Variants in PDE7B observed in about 807,000 individuals in gnomAD.
PDE7B encodes phosphodiesterase 7B.
A neutral mutation model predicts 56.2 loss-of-function variants in PDE7B; 29 were observed. The observed-to-expected ratio is 0.52, with a 90% CI of 0.38 to 0.70. PDE7B has a LOEUF of 0.70. PDE7B is among the 30% of genes least tolerant of loss of function. The probability of loss-of-function intolerance (pLI) is 0.00; values close to 1 mark genes in which losing one functional copy is unlikely to be tolerated. For synonymous variants in PDE7B, 197 were observed against 196.9 expected (o/e 1.00, Z 0.00); for missense variants, 490 against 565.0 (o/e 0.87, Z 1.35).
chr6:136,090,770 C>G (rs1777372434), intron 2 of PDE7B, among the ~76,000 whole-genome samples: 1 of 152,154 alleles, frequency 6.6e-6, no homozygotes, highest in African/African-American at 2.4e-5. Context: ...GCCCTAACCT[C>G]CCTGTCTCTG....
At chr6:135,872,403 T>A (rs2327668) in intron 1 of PDE7B, among the ~76,000 whole-genome samples, 2 of 152,140 alleles carry the variant, frequency 1.3e-5, no homozygotes, top group Non-Finnish European at 2.9e-5. Context: ...ATTGTCTTTT[T>A]AAAAATATTT....
intron 1 of PDE7B, among the ~76,000 whole-genome samples, chr6:135,909,248 A>G (rs1417379050): frequency 6.6e-6 from 1 of 152,140 alleles, no homozygotes; most frequent in Non-Finnish European, 1.5e-5. Context: ...AACAGAAGGG[A>G]TCTCAGAGGT....
At chr6:135,962,403 A>T (rs1018839601) in intron 2 of PDE7B, among the ~76,000 whole-genome samples, 2 of 152,274 alleles carry the variant, frequency 1.3e-5, no homozygotes, top group Admixed American at 6.5e-5. Flanking sequence ...AATTGAGTTG[A>T]ATGCGAGAAT....
Position 135,996,558 on chromosome 6 carries a change from G to A in PDE7B, c.82+49034G>A, listed in dbSNP as rs149290487. On this transcript the variant is annotated intron_variant, in intron 2 of 12. Transcript: ENST00000308191. ...GATTTTTATCAATATAGAACAAGGA[G>A]GACTGTTTTGTAAGTTTTTCTCACA... Among the ~76,000 whole-genome samples the A allele has an allele frequency of 6.6e-5, 10 of 152,304 alleles. No homozygotes were observed. The East Asian group carries it at 1.9e-3, about 29-fold the overall frequency.
intron 4 of PDE7B, 91 bp downstream of exon 4, chr6:136,147,593 C>A: frequency 1.1e-6 from 1 of 952,014 alleles, no homozygotes; most frequent in Non-Finnish European, 1.6e-6. Flanking sequence ...CCTACTCTGC[C>A]TCTGAGGAGC....
intron 3 of PDE7B, among the ~76,000 whole-genome samples, chr6:136,137,426 A>C (rs1778229963): frequency 1.3e-5 from 2 of 152,234 alleles, no homozygotes; most frequent in South Asian, 4.1e-4. Context: ...CGAAAGTGCT[A>C]ATATTAGGTT....
At chr6:136,093,710 G>A (rs1164206384) in intron 2 of PDE7B, among the ~76,000 whole-genome samples, 3 of 152,168 alleles carry the variant, frequency 2.0e-5, no homozygotes, top group African/African-American at 7.2e-5. Context: ...AGAGAAGGGG[G>A]CACAGTAACA....
chr6:135,934,738 AAATATATATATATATATTTTTT>A lies in PDE7B; in HGVS notation c.22-12723_22-12702del, dbSNP rs1217810893. Among the ~76,000 whole-genome samples, 8 of 81,438 alleles carry A rather than the reference AAATATATATATATATATTTTTT, an allele frequency of 9.8e-5. No individual in the cohort carries two copies. In the East Asian group the frequency reaches 2.0e-3, roughly 21 times the overall value. 53.4% of individuals were successfully genotyped at this position (81,438 alleles called of 152,430 possible). A position where few individuals can be genotyped will look rare whatever the true frequency, so the allele number is the denominator to read the frequency against. On this transcript the variant is annotated intron_variant, in intron 1 of 12. Transcript: ENST00000308191. ...GAGTGAAACTCTGTCTCAAAAAAAA[AAATATATATATATATATTTTTT>A]AAATATATATATATATTTATTATAT...
intron 2 of PDE7B, among the ~76,000 whole-genome samples, chr6:136,007,251 G>A (rs765318533): frequency 6.6e-6 from 1 of 152,302 alleles, no homozygotes; most frequent in South Asian, 2.1e-4. Context: ...GCATCCTGGA[G>A]ATGAAGCCTA....
At chr6:135,950,539 C>G (rs1583790673) in intron 2 of PDE7B, among the ~76,000 whole-genome samples, 1 of 151,828 alleles carries the variant, frequency 6.6e-6, no homozygotes, top group Non-Finnish European at 1.5e-5. Context: ...TATATGGGGC[C>G]ACCTCAATAT....
chr6:135,949,173 C>A (rs1024971172), intron 2 of PDE7B, among the ~76,000 whole-genome samples: 8 of 152,014 alleles, frequency 5.3e-5, no homozygotes, highest in African/African-American at 1.7e-4. Context: ...TTGATTGTAG[C>A]TTTCACCTGG....
chr6:135,995,481 G>A (rs1775549654), intron 2 of PDE7B, among the ~76,000 whole-genome samples: 2 of 152,186 alleles, frequency 1.3e-5, no homozygotes, highest in South Asian at 2.1e-4. Context: ...AGCCAGTGAA[G>A]ACACTGATGA....
intron 8 of PDE7B, among the ~76,000 whole-genome samples, chr6:136,158,933 A>T (rs1778658902): frequency 6.6e-6 from 1 of 152,206 alleles, no homozygotes; most frequent in African/African-American, 2.4e-5. Flanking sequence ...GTGATTATAA[A>T]TTGTAAAGGA....
chr6:136,179,890 T>C (rs540878423), intron 10 of PDE7B, among the ~76,000 whole-genome samples: 1 of 152,354 alleles, frequency 6.6e-6, no homozygotes, highest in Admixed American at 6.5e-5. Flanking sequence ...CATTCCTTTC[T>C]GTTTTACTCC....
intron 1 of PDE7B, among the ~76,000 whole-genome samples, chr6:135,860,351 A>G (rs1426281023): frequency 6.6e-6 from 1 of 152,088 alleles, no homozygotes; most frequent in African/African-American, 2.4e-5. Flanking sequence ...AAATATAAAA[A>G]TGTCTGTTTT....
At chr6:135,924,410 C>T (rs1774144970) in intron 1 of PDE7B, among the ~76,000 whole-genome samples, 1 of 152,122 alleles carries the variant, frequency 6.6e-6, no homozygotes, top group Non-Finnish European at 1.5e-5. Context: ...CTCAATTTCC[C>T]CAGAATGCCA....
intron 1 of PDE7B, among the ~76,000 whole-genome samples, chr6:135,869,379 C>A (rs1003960955): frequency 1.3e-5 from 2 of 151,978 alleles, no homozygotes; most frequent in African/African-American, 4.8e-5. Context: ...CTCAGAAAAT[C>A]TCTAATATAT....
chr6:136,035,518 C>G (rs903231869), intron 2 of PDE7B, among the ~76,000 whole-genome samples: 3 of 152,204 alleles, frequency 2.0e-5, no homozygotes, highest in Non-Finnish European at 4.4e-5. Flanking sequence ...CCAGAAATAC[C>G]ATGAGAATGA....
chr6:136,006,706 C>T (rs1477163475), intron 2 of PDE7B, among the ~76,000 whole-genome samples: 2 of 152,106 alleles, frequency 1.3e-5, no homozygotes, highest in Non-Finnish European at 2.9e-5. Flanking sequence ...ATTTGGCTCT[C>T]AGCTTAGCTA....
Sources: allele counts gnomAD v4.1 joint callset (sites outside exome capture counted in the v4.1 genomes callset), GRCh38; gene constraint gnomAD v4.1.1; transcripts MANE v1.5; gene names NCBI Gene and HGNC (gene_info 2026-07-23, HGNC 2026-07-21).